RYR2: variants seen among roughly 807,000 people sequenced by gnomAD.
RYR2 encodes cardiac muscle ryanodine receptor-calcium release channel.
A neutral mutation model predicts 601.1 loss-of-function variants in RYR2; 227 were observed. That is an observed-to-expected ratio of 0.38 (90% confidence interval 0.34 to 0.42). The LOEUF is 0.42. Ranked by LOEUF, RYR2 falls within the 10% of genes least tolerant of loss-of-function variation. The pLI, the probability that RYR2 is intolerant of heterozygous loss-of-function variation, is 1.00. For missense variants in RYR2, 4,646 were observed against 6,156.5 expected (o/e 0.75, Z 8.21); for synonymous variants, 2,223 against 2,175.1 (o/e 1.02, Z -0.61).
rs538771834 is a variant in RYR2, at chr1:237,101,414, A to AT, written c.48+58854dup. 7.7e-4 allele frequency among the ~76,000 whole-genome samples: 115 copies of AT among 150,224 alleles called. 3 individuals are homozygous for AT. The South Asian group carries it at 0.019, about 24-fold the overall frequency. On this transcript the variant is annotated intron_variant, in intron 1 of 104. Transcript: ENST00000366574. The stretch of plus-strand genomic sequence containing the variant: ...AGCAATCTCCTTAGCGCAGTGGTAG[A>AT]TTTTTTTTTAACATTCTTCATCTGT...
intron 73 of RYR2, among the ~76,000 whole-genome samples, chr1:237,721,193 A>G (rs1458060457): frequency 1.3e-5 from 2 of 152,200 alleles, no homozygotes; most frequent in African/African-American, 2.4e-5. Flanking sequence ...TACTTTATTA[A>G]TTATGTATTA....
intron 11 of RYR2, among the ~76,000 whole-genome samples, chr1:237,421,884 G>T (rs1705629328): frequency 6.6e-6 from 1 of 151,882 alleles, no homozygotes; most frequent in South Asian, 2.1e-4. Flanking sequence ...AACATATCTG[G>T]CTGTATACCT....
intron 19 of RYR2, among the ~76,000 whole-genome samples, chr1:237,493,628 AT>A (rs1482301826): frequency 6.6e-6 from 1 of 151,804 alleles, no homozygotes; most frequent in African/African-American, 2.4e-5. Flanking sequence ...AATTTTTTGT[AT>A]TTTTAGTAGA....
intron 63 of RYR2, among the ~76,000 whole-genome samples, chr1:237,690,703 A>T (rs1686867110): frequency 1.3e-5 from 2 of 152,116 alleles, no homozygotes; most frequent in South Asian, 2.1e-4. Context: ...CTCGACTAAG[A>T]ATACAAAAAA....
At chr1:237,724,879 C>T (rs1690071076) in intron 74 of RYR2, among the ~76,000 whole-genome samples, 1 of 152,054 alleles carries the variant, frequency 6.6e-6, no homozygotes, top group Admixed American at 6.6e-5. Flanking sequence ...GAAACTGATT[C>T]TATTTTATTA....
At chr1:237,068,032 ATTTTT>A (rs36053229) in intron 1 of RYR2, among the ~76,000 whole-genome samples, 1 of 122,886 alleles carries the variant, frequency 8.1e-6, no homozygotes. Context: ...CAGAACTTTG[ATTTTT>A]TTTTTTTTTT....
intron 42 of RYR2, among the ~76,000 whole-genome samples, chr1:237,631,888 C>G (rs1364671591): frequency 7.3e-6 from 1 of 137,094 alleles, no homozygotes. Flanking sequence ...TTGGCCTCCC[C>G]TCCCGAAGTG....
At chr1:237,365,269 G>A (rs1000621709) in intron 5 of RYR2, among the ~76,000 whole-genome samples, 5 of 152,150 alleles carry the variant, frequency 3.3e-5, no homozygotes, top group Non-Finnish European at 7.3e-5. Context: ...AGATATAGAT[G>A]GAAAAGATTG....
chr1:237,467,023 C>T (rs1424358028), intron 16 of RYR2, among the ~76,000 whole-genome samples: 2 of 150,962 alleles, frequency 1.3e-5, no homozygotes, highest in African/African-American at 4.8e-5. Context: ...TTATAATTTT[C>T]TTAAATGCCC....
At chr1:237,571,437 C>T (rs927264709) in intron 29 of RYR2, among the ~76,000 whole-genome samples, 1 of 151,888 alleles carries the variant, frequency 6.6e-6, no homozygotes, top group African/African-American at 2.4e-5. Flanking sequence ...GCCTCAGCCT[C>T]CCAAGTAGCT....
intron 13 of RYR2, among the ~76,000 whole-genome samples, chr1:237,442,308 CT>C (rs1295341435): frequency 1.3e-5 from 2 of 152,064 alleles, no homozygotes; most frequent in Non-Finnish European, 2.9e-5. Context: ...TTATCTTTTT[CT>C]TTTTTTCTTA....
intron 95 of RYR2, among the ~76,000 whole-genome samples, chr1:237,794,299 C>A (rs977086224): frequency 6.7e-6 from 1 of 149,038 alleles, no homozygotes; most frequent in African/African-American, 2.5e-5. Context: ...AGTGCATGAC[C>A]TGCAGGCAGG....
In RYR2 at chr1:237,530,451, T is replaced by C. The variant is rs1668032900; in HGVS notation, c.2847T>C (p.His949=). The change falls in exon 25 of 105, where the codon CAT becomes CAC. Residue 949 remains histidine (H), a synonymous_variant. Transcript: ENST00000366574. Reference sequence around the variant, plus strand: ...GGACTTTGTTGGCATTAGGATGTCATGTGGGTATATCAGATGAACATGCTG... The same window carrying C: ...GGACTTTGTTGGCATTAGGATGTCACGTGGGTATATCAGATGAACATGCTG... ...TLKTLLALGC[H]VGISDEHAED... 1 of 1,609,174 alleles carries C rather than the reference T, an allele frequency of 6.2e-7. No homozygotes were observed. The highest frequency in any genetic ancestry group is 8.5e-7 in the Non-Finnish European group (1 of 1,177,682).
chr1:237,281,033 C>T (rs920227104), intron 2 of RYR2, among the ~76,000 whole-genome samples: 2 of 152,156 alleles, frequency 1.3e-5, no homozygotes, highest in African/African-American at 4.8e-5. Flanking sequence ...GATCCGCCTG[C>T]CTCAGCCTCC....
intron 102 of RYR2, 92 bp from the exon 103 acceptor site, chr1:237,830,438 A>G: frequency 2.5e-6 from 2 of 793,310 alleles, no homozygotes; most frequent in Non-Finnish European, 4.5e-6. Flanking sequence ...TATTGAGTGA[A>G]CCAAATAATA....
intron 29 of RYR2, among the ~76,000 whole-genome samples, chr1:237,587,465 C>G (rs2148414616): frequency 6.6e-6 from 1 of 152,102 alleles, no homozygotes; most frequent in African/African-American, 2.4e-5. Flanking sequence ...ACCAGGAATT[C>G]CACTATTCTG....
At chr1:237,151,210 T>A (rs1221917889) in intron 1 of RYR2, among the ~76,000 whole-genome samples, 1 of 152,168 alleles carries the variant, frequency 6.6e-6, no homozygotes, top group Non-Finnish European at 1.5e-5. Flanking sequence ...CAGATGCAGT[T>A]CTACATTTGC....
intron 29 of RYR2, among the ~76,000 whole-genome samples, chr1:237,586,887 T>C (rs1305300371): frequency 6.6e-6 from 1 of 151,920 alleles, no homozygotes; most frequent in African/African-American, 2.4e-5. Context: ...GCCCGGCTAA[T>C]TTTTATATTT....
At chr1:237,732,015 G>T in intron 77 of RYR2, 31 bp from the exon 78 acceptor site, 1 of 1,406,676 alleles carries the variant, frequency 7.1e-7, no homozygotes, top group Admixed American at 1.8e-5. Flanking sequence ...TTTTTTTAAT[G>T]TGACATTTTA....
Sources: gnomAD v4.1 joint callset for allele counts (sites outside exome capture counted in the v4.1 genomes callset) on GRCh38, gnomAD v4.1.1 for gene constraint, MANE v1.5 for transcripts, NCBI Gene and HGNC (gene_info 2026-07-23, HGNC 2026-07-21) for gene names.